GUCY1A2: variants seen among roughly 807,000 people sequenced by gnomAD.
GUCY1A2 encodes guanylate cyclase 1 soluble subunit alpha 2.
Under a neutral mutation model 63.5 loss-of-function variants are expected in GUCY1A2, and 27 were observed. The observed-to-expected ratio is 0.43, with a 90% confidence interval of 0.31 to 0.59. The LOEUF is 0.59. GUCY1A2 is among the 20% of genes least tolerant of loss of function. The pLI is 0.11. For missense variants in GUCY1A2, 768 were observed against 913.3 expected (o/e 0.84, Z 2.05); for synonymous variants, 364 against 343.5 (o/e 1.06, Z -0.66).
intron 4 of GUCY1A2, chr11:106,826,577 A>G: frequency 1.2e-6 from 2 of 1,601,406 alleles, no homozygotes; most frequent in African/African-American, 1.3e-5. Flanking sequence ...CCTTTGGTAC[A>G]TCTCAGCATT....
At position 107,015,457 on chromosome 11, in the gene GUCY1A2, C is replaced by A. The variant is rs182451612; in HGVS notation, c.303+2296G>T. ...CAGAAAATACTGCATTTCTCAGTTT[C>A]TTTTATCTACTCCTCATGTAAGTTG... On this transcript the variant is annotated intron_variant, in intron 1 of 7. Transcript: ENST00000526355. Among the ~76,000 whole-genome samples, 464 of 147,572 alleles carry A rather than the reference C, an allele frequency of 3.1e-3. 1 individual carries two copies. The highest frequency in any genetic ancestry group is 4.5e-3 in the Non-Finnish European group (304 of 67,452).
At chr11:106,829,472 C>T (rs1271896343) in intron 4 of GUCY1A2, among the ~76,000 whole-genome samples, 1 of 152,148 alleles carries the variant, frequency 6.6e-6, no homozygotes, top group Non-Finnish European at 1.5e-5. Flanking sequence ...AGGGTCTTAG[C>T]ATCCTCATTT....
intron 6 of GUCY1A2, among the ~76,000 whole-genome samples, chr11:106,757,540 G>A (rs140387727): frequency 2.2e-3 from 330 of 152,208 alleles, no homozygotes; most frequent in African/African-American, 7.6e-3. Context: ...TTTGGTGTGG[G>A]TGTCCGTTTT....
chr11:106,702,245 G>T (rs959233039), intron 7 of GUCY1A2, among the ~76,000 whole-genome samples: 4 of 152,178 alleles, frequency 2.6e-5, no homozygotes, highest in Admixed American at 2.0e-4. Context: ...AAAGATGCAT[G>T]AGAGCTCATC....
chr11:106,742,446 T>C (rs1351385576), intron 6 of GUCY1A2, among the ~76,000 whole-genome samples: 3 of 152,188 alleles, frequency 2.0e-5, no homozygotes, highest in African/African-American at 7.2e-5. Context: ...GGTATTTGGT[T>C]TTCTGTTCCT....
intron 4 of GUCY1A2, among the ~76,000 whole-genome samples, chr11:106,840,022 T>A (rs1460915873): frequency 1.3e-5 from 2 of 151,952 alleles, no homozygotes; most frequent in South Asian, 4.1e-4. Context: ...CATATATATA[T>A]AAATGTCTAC....
chr11:106,689,894 C>T (rs1862592556), intron 7 of GUCY1A2, among the ~76,000 whole-genome samples: 1 of 151,470 alleles, frequency 6.6e-6, no homozygotes, highest in Non-Finnish European at 1.5e-5. Context: ...ACTTAGGAGG[C>T]TGAGGCAGGA....
At chr11:106,873,165 A>T (rs1859703870) in intron 4 of GUCY1A2, among the ~76,000 whole-genome samples, 1 of 152,170 alleles carries the variant, frequency 6.6e-6, no homozygotes, top group South Asian at 2.1e-4. Flanking sequence ...TATCCGGTCT[A>T]TCATTGATGG....
In GUCY1A2 at chr11:106,676,106, T is replaced by C. The variant is rs1862341683; in HGVS notation, c.*11443A>G. On this transcript the variant is annotated 3_prime_UTR_variant, in exon 8 of 8. Transcript: ENST00000526355. Reference sequence around the variant, plus strand: ...TGAAGATAATTAAGTGGTTTGAATATAATCTTAATACATAAAAATAAAAAA... The same window carrying C: ...TGAAGATAATTAAGTGGTTTGAATACAATCTTAATACATAAAAATAAAAAA... 5.5e-6 allele frequency: 1 copy of C among 181,736 alleles called. No homozygotes were observed. The highest frequency in any genetic ancestry group is 2.4e-5 in the African/African-American group (1 of 42,476). 11.3% of individuals were successfully genotyped at this position (181,736 alleles called of 1,614,324 possible).
intron 4 of GUCY1A2, among the ~76,000 whole-genome samples, chr11:106,934,010 G>A (rs1440710854): frequency 3.9e-5 from 6 of 152,154 alleles, no homozygotes; most frequent in Admixed American, 2.6e-4. Flanking sequence ...GGACCTGGGT[G>A]AGGGGATCAG....
intron 5 of GUCY1A2, among the ~76,000 whole-genome samples, chr11:106,779,686 A>C (rs901995419): frequency 2.6e-5 from 4 of 152,136 alleles, no homozygotes; most frequent in African/African-American, 9.7e-5. Flanking sequence ...TCCATTAAAT[A>C]TGTATGACTA....
At chr11:106,968,870 A>C (rs1010352246) in intron 3 of GUCY1A2, among the ~76,000 whole-genome samples, 1 of 31,410 alleles carries the variant, frequency 3.2e-5, no homozygotes, top group Non-Finnish European at 6.5e-5. Flanking sequence ...ACAACAGACC[A>C]GGAATTGGAA....
chr11:106,687,396 C>T lies in GUCY1A2; in HGVS notation c.*153G>A, dbSNP rs933857210. ...TTTTATTGACAGCGGTCACCTCCAC[C>T]TTTTAGTAGGATTATTGCCTGACAT... On this transcript the variant is annotated 3_prime_UTR_variant, in exon 8 of 8. Coordinates refer to ENST00000526355, the MANE Select transcript of GUCY1A2 (RefSeq NM_000855.3). The T allele has an allele frequency of 2.0e-5, 13 of 652,678 alleles. No individual in the cohort carries two copies. Among genetic ancestry groups the T allele is most frequent in the Admixed American group, 1.3e-4 (5 of 37,890 alleles). 40.4% of individuals were successfully genotyped at this position (652,678 alleles called of 1,614,324 possible).
intron 4 of GUCY1A2, among the ~76,000 whole-genome samples, chr11:106,818,677 C>T (rs1858861891): frequency 6.6e-6 from 1 of 152,122 alleles, no homozygotes; most frequent in Non-Finnish European, 1.5e-5. Context: ...CAGAAAACTA[C>T]ACCTCTTAAG....
chr11:106,730,059 AATATATATATATATATATATAT>A (rs60486225), intron 6 of GUCY1A2, among the ~76,000 whole-genome samples: 1 of 103,364 alleles, frequency 9.7e-6, no homozygotes, highest in Non-Finnish European at 2.0e-5. Context: ...ATCAGCATGG[AATATATATATATATATATATAT>A]ATATATATAT....
At chr11:106,794,516 AC>A (rs1864719855) in intron 5 of GUCY1A2, among the ~76,000 whole-genome samples, 1 of 152,086 alleles carries the variant, frequency 6.6e-6, no homozygotes, top group Non-Finnish European at 1.5e-5. Context: ...ACACACACAC[AC>A]AGAAACACAA....
intron 6 of GUCY1A2, among the ~76,000 whole-genome samples, chr11:106,763,256 G>A (rs1864097601): frequency 6.6e-6 from 1 of 152,016 alleles, no homozygotes; most frequent in Non-Finnish European, 1.5e-5. Context: ...TTTTTGGTAA[G>A]TCGTTCTTAG....
chr11:107,008,657 T>C (rs1294478904), intron 1 of GUCY1A2, among the ~76,000 whole-genome samples: 2 of 152,152 alleles, frequency 1.3e-5, no homozygotes, highest in African/African-American at 4.8e-5. Context: ...TAAGACAGGA[T>C]TTCCATCTCA....
At chr11:106,846,057 A>G (rs758008437) in intron 4 of GUCY1A2, among the ~76,000 whole-genome samples, 1 of 151,680 alleles carries the variant, frequency 6.6e-6, no homozygotes, top group Non-Finnish European at 1.5e-5. Flanking sequence ...TTCAGATTGT[A>G]GAACTCTAAA....
Sources: allele counts gnomAD v4.1 joint callset (sites outside exome capture counted in the v4.1 genomes callset), GRCh38; gene constraint gnomAD v4.1.1; transcripts MANE v1.5; gene names NCBI Gene and HGNC (gene_info 2026-07-23, HGNC 2026-07-21).